Variants in SOS1 observed in about 807,000 individuals in gnomAD.
SOS1 encodes the protein SOS Ras/Rac guanine nucleotide exchange factor 1.
SOS1 carries 25 observed loss-of-function variants against 157.6 expected under a neutral mutation model. The ratio of observed to expected loss-of-function variants is 0.16; its 90% CI spans 0.12 to 0.22. The LOEUF (loss-of-function observed/expected upper bound fraction) is 0.22, where lower values mean the gene tolerates loss of function less well. Among genes scored for constraint, SOS1 ranks in the 10% least tolerant of loss-of-function variants. SOS1 has a pLI of 1.00. For synonymous variants in SOS1, 528 were observed against 534.0 expected (o/e 0.99, Z 0.16); for missense variants, 1,237 against 1,599.1 (o/e 0.77, Z 3.86).
chr2:39,025,816 T>G (rs376000135), intron 8 of SOS1, among the ~76,000 whole-genome samples: 6 of 152,352 alleles, frequency 3.9e-5, no homozygotes, highest in East Asian at 1.9e-4. Context: ...ACATACCACA[T>G]GCACTGATGA....
chr2:39,018,009 C>A (rs538577924), intron 10 of SOS1, among the ~76,000 whole-genome samples: 3 of 151,840 alleles, frequency 2.0e-5, no homozygotes, highest in Non-Finnish European at 4.4e-5. Flanking sequence ...ATTGATTAGG[C>A]AATGGTAAAA....
At chr2:39,080,985 A>G (rs1672182083) in intron 1 of SOS1, among the ~76,000 whole-genome samples, 1 of 152,060 alleles carries the variant, frequency 6.6e-6, no homozygotes, top group Non-Finnish European at 1.5e-5. Context: ...TAGGAGTTCA[A>G]GACCTGCCTG....
intron 1 of SOS1, among the ~76,000 whole-genome samples, chr2:39,095,295 G>A (rs757767745): frequency 9.9e-5 from 15 of 152,144 alleles, no homozygotes; most frequent in African/African-American, 3.4e-4. Context: ...TCAGACTCCT[G>A]AGAATATCTA....
intron 1 of SOS1, among the ~76,000 whole-genome samples, chr2:39,101,650 T>C (rs1423556427): frequency 6.6e-6 from 1 of 150,948 alleles, no homozygotes; most frequent in Non-Finnish European, 1.5e-5. Flanking sequence ...AAAATATACT[T>C]AAAAAAAAAC....
At chr2:39,119,633 C>T (rs1673788858) in intron 1 of SOS1, among the ~76,000 whole-genome samples, 1 of 152,220 alleles carries the variant, frequency 6.6e-6, no homozygotes, top group African/African-American at 2.4e-5. Context: ...TATACTAAAA[C>T]ATTTAAAAGC....
At chr2:39,065,739 T>C (rs1671568703) in intron 2 of SOS1, among the ~76,000 whole-genome samples, 1 of 152,202 alleles carries the variant, frequency 6.6e-6, no homozygotes, top group South Asian at 2.1e-4. Flanking sequence ...CTTGGGCAGG[T>C]TATTCAACCT....
chr2:39,023,273 T>G (rs763935537), intron 9 of SOS1, 48 bp from the exon 10 acceptor site: 39 of 1,428,842 alleles, frequency 2.7e-5, no homozygotes, highest in Non-Finnish European at 3.4e-5. Flanking sequence ...ACAGAAAACC[T>G]AGAGCTCATG....
Position 39,007,444 on chromosome 2 carries a change from T to TTAA in SOS1, c.2511-252_2511-251insTTA, listed in dbSNP as rs200649886. On this transcript the variant is annotated intron_variant, in intron 15 of 22. Coordinates refer to ENST00000402219, the MANE Select transcript of SOS1 (RefSeq NM_005633.4). ...CCTACTATATTTGGTGCATCCTCTA[T>TTAA]TAGCATCAGAATTAACTGGTGAGGC... is the stretch of plus-strand genomic sequence containing the variant. 5.5e-3 allele frequency: 2,528 copies of TTAA among 460,266 alleles called. 34 individuals carry two copies. Among genetic ancestry groups the TTAA allele is most frequent in the Admixed American group, 0.027 (766 of 28,354 alleles). The allele number at this position is 460,266 out of a possible 1,614,324, so 28.5% of individuals were successfully genotyped here. A position where few individuals can be genotyped will look rare whatever the true frequency, so the allele number is the denominator to read the frequency against.
intron 1 of SOS1, among the ~76,000 whole-genome samples, chr2:39,071,177 A>G (rs547043495): frequency 6.0e-4 from 91 of 152,178 alleles, no homozygotes; most frequent in Non-Finnish European, 6.3e-4. Context: ...CAGTCCCTCT[A>G]TTTAGATGAT....
intron 22 of SOS1, among the ~76,000 whole-genome samples, chr2:38,986,997 A>G (rs1026268332): frequency 1.2e-4 from 18 of 152,292 alleles, no homozygotes; most frequent in African/African-American, 4.3e-4. Flanking sequence ...ATAAGTAGAA[A>G]TAATAGCTAT....
chr2:39,059,919 A>T (rs1220399675), intron 2 of SOS1, among the ~76,000 whole-genome samples: 2 of 152,148 alleles, frequency 1.3e-5, no homozygotes, highest in Non-Finnish European at 2.9e-5. Flanking sequence ...TAGCAGTTAA[A>T]AATGGGGTTT....
chr2:39,054,065 T>C (rs1488942199), intron 5 of SOS1, among the ~76,000 whole-genome samples: 3 of 152,064 alleles, frequency 2.0e-5, no homozygotes, highest in South Asian at 2.1e-4. Flanking sequence ...GTAGCTGGGA[T>C]TACAGACGCT....
At chr2:39,090,921 T>A (rs989335380) in intron 1 of SOS1, among the ~76,000 whole-genome samples, 1 of 152,120 alleles carries the variant, frequency 6.6e-6, no homozygotes, top group African/African-American at 2.4e-5. Flanking sequence ...CAAGCTGGAG[T>A]GCAGTGTTGC....
Position 38,984,204 on chromosome 2 carries a change from C to G in SOS1, c.*1620G>C, listed in dbSNP as rs1668483746. On this transcript the variant is annotated 3_prime_UTR_variant, in exon 23 of 23. Coordinates refer to ENST00000402219, the MANE Select transcript of SOS1 (RefSeq NM_005633.4). ...ATTATTCAGAGGATACATGCAGATG[C>G]TGATGAACCAGATAAACTCTCTAAG... is the stretch of plus-strand genomic sequence containing the variant. The G allele has an allele frequency of 2.1e-5, 1 of 48,464 alleles. No homozygotes were observed. The highest frequency in any genetic ancestry group is 4.1e-5 in the Non-Finnish European group (1 of 24,296). 3.0% of individuals were successfully genotyped at this position (48,464 alleles called of 1,614,324 possible).
intron 1 of SOS1, among the ~76,000 whole-genome samples, chr2:39,105,890 ACT>A (rs949767656): frequency 1.4e-3 from 209 of 151,900 alleles, no homozygotes; most frequent in African/African-American, 4.9e-3. Flanking sequence ...ACAGGGTGAG[ACT>A]CTGTCTCAAA....
At position 39,006,541 on chromosome 2, in the gene SOS1, A is replaced by G; in HGVS notation, c.2674-12T>C. 2.3e-6 allele frequency: 3 copies of G among 1,302,234 alleles called. No individual in the cohort carries two copies. Among genetic ancestry groups the G allele is most frequent in the Non-Finnish European group, 3.3e-6 (3 of 896,016 alleles). 80.7% of individuals were successfully genotyped at this position (1,302,234 alleles called of 1,614,324 possible). The stretch of plus-strand genomic sequence containing the variant: ...CGACTTGGTATTTGCTATAAGGAAA[A>G]AAAATAGGCGTAAGTTTACAAAAGG... On this transcript the variant is annotated splice_polypyrimidine_tract_variant and intron_variant, in intron 16 of 22. Transcript: ENST00000402219.
chr2:39,020,017 T>C (rs975045590), intron 10 of SOS1, among the ~76,000 whole-genome samples: 12 of 151,766 alleles, frequency 7.9e-5, no homozygotes, highest in African/African-American at 2.6e-4. Context: ...TTACAACATA[T>C]TCTATTCATG....
At chr2:39,104,652 T>A (rs560471645) in intron 1 of SOS1, among the ~76,000 whole-genome samples, 52 of 152,296 alleles carry the variant, frequency 3.4e-4, no homozygotes, top group African/African-American at 1.2e-3. Context: ...AAACCAATAA[T>A]TGTATGCCAA....
At chr2:39,036,401 A>C (rs1236705418) in intron 6 of SOS1, among the ~76,000 whole-genome samples, 3 of 152,140 alleles carry the variant, frequency 2.0e-5, no homozygotes, top group Non-Finnish European at 4.4e-5. Flanking sequence ...CCCAGGCTAG[A>C]GTGCCGTAGT....
Sources: gnomAD v4.1 joint callset for allele counts (sites outside exome capture counted in the v4.1 genomes callset) on GRCh38, gnomAD v4.1.1 for gene constraint, MANE v1.5 for transcripts, NCBI Gene and HGNC (gene_info 2026-07-23, HGNC 2026-07-21) for gene names.